SMARCAD1: variants seen among roughly 807,000 people sequenced by gnomAD.
SMARCAD1 encodes SWI/SNF-related matrix-associated actin-dependent regulator of chromatin subfamily A containing DEAD/H box 1.
Under a neutral mutation model 127.1 loss-of-function variants are expected in SMARCAD1, and 25 were observed. The observed-to-expected ratio is 0.20, with a 90% CI of 0.14 to 0.27. SMARCAD1 has a LOEUF of 0.27. SMARCAD1 is among the 10% of genes least tolerant of loss of function. The probability of loss-of-function intolerance (pLI) is 1.00; values close to 1 mark genes in which losing one functional copy is unlikely to be tolerated. For synonymous variants in SMARCAD1, 400 were observed against 396.9 expected (o/e 1.01, Z -0.09); for missense variants, 807 against 1,206.0 (o/e 0.67, Z 4.90).
Position 94,289,713 on chromosome 4 carries a change from G to A in SMARCAD1, c.*179G>A, listed in dbSNP as rs145778087. 1.2e-4 allele frequency: 85 copies of A among 701,704 alleles called. No individual in the cohort carries two copies. The highest frequency in any genetic ancestry group is 8.6e-4 in the East Asian group (31 of 35,844). 43.5% of individuals were successfully genotyped at this position (701,704 alleles called of 1,614,324 possible). ...AACTGAATTCTCCAAATACTCACACGTGAAATTTCAAAAAAGAAGCCACAA... is the reference window on the plus strand; with the variant it reads ...AACTGAATTCTCCAAATACTCACACATGAAATTTCAAAAAAGAAGCCACAA... On this transcript the variant is annotated 3_prime_UTR_variant, in exon 24 of 24. Transcript: ENST00000354268.
chr4:94,264,820 T>C lies in SMARCAD1; in HGVS notation c.1395T>C (p.Ile465=), dbSNP rs771336767. 4.3e-6 allele frequency: 7 copies of C among 1,613,128 alleles called. No individual in the cohort carries two copies. The highest frequency in any genetic ancestry group is 4.2e-6 in the Non-Finnish European group (5 of 1,179,318). Residue 465 remains isoleucine, a synonymous_variant, in exon 10 of 24, where the codon ATT becomes ATC. Transcript: ENST00000354268. ...GGCTTATGAACAAATGTGAAGACAT[T>C]TCAAATAAATTGACCAAACAAGTTA... ...VIRLMNKCED[I]SNKLTKQVTM...
chr4:94,289,408 T>G, intron 23 of SMARCAD1, 65 bp from the exon 24 acceptor site: 1 of 1,417,078 alleles, frequency 7.1e-7, no homozygotes, highest in East Asian at 2.3e-5. Flanking sequence ...AAAAAATAAT[T>G]GAGACAATTT....
At chr4:94,224,663 T>C (rs1449749476) in intron 2 of SMARCAD1, among the ~76,000 whole-genome samples, 1 of 152,188 alleles carries the variant, frequency 6.6e-6, no homozygotes, top group African/African-American at 2.4e-5. Context: ...GCCCTAATAA[T>C]GATTGTTATA....
rs556641174 is a variant in SMARCAD1, at chr4:94,238,529, G to A, written c.604+1511G>A. ...TTAGCTGTGTCTTCCTCATTATTTC[G>A]TCCCTAGCACTTACTTTAAAAGCTT... On this transcript the variant is annotated intron_variant, in intron 5 of 23. Coordinates refer to ENST00000354268, the MANE Select transcript of SMARCAD1 (RefSeq NM_020159.5). 5.9e-5 allele frequency among the ~76,000 whole-genome samples: 9 copies of A among 152,046 alleles called. No homozygotes were observed. In the South Asian group the frequency reaches 8.3e-4, roughly 14 times the overall value.
chr4:94,241,661 G>A (rs926708494), intron 6 of SMARCAD1, among the ~76,000 whole-genome samples: 2 of 152,172 alleles, frequency 1.3e-5, no homozygotes, highest in African/African-American at 2.4e-5. Flanking sequence ...ATGATGAATC[G>A]TGAAGGTGTA....
At chr4:94,219,246 G>A (rs1014716903) in intron 2 of SMARCAD1, among the ~76,000 whole-genome samples, 2 of 152,066 alleles carry the variant, frequency 1.3e-5, no homozygotes, top group African/African-American at 2.4e-5. Context: ...TATCAGAAAC[G>A]GCAGGGATTT....
At chr4:94,275,606 A>G (rs981162008) in intron 14 of SMARCAD1, among the ~76,000 whole-genome samples, 5 of 152,060 alleles carry the variant, frequency 3.3e-5, no homozygotes, top group East Asian at 1.9e-4. Flanking sequence ...GCTATTAACT[A>G]TTATTTCTTG....
chr4:94,280,403 A>G lies in SMARCAD1; in HGVS notation c.2419-189A>G, dbSNP rs576319254. Among the ~76,000 whole-genome samples, 12 of 152,262 alleles carry G rather than the reference A, an allele frequency of 7.9e-5. No individual in the cohort carries two copies. The East Asian group carries it at 2.1e-3, about 27-fold the overall frequency. ...AAATATTTTAGTATGTTATCTCTCA[A>G]ACAGTAAGGACTTCTCCCCCTTTAT... On this transcript the variant is annotated intron_variant, in intron 19 of 23. Transcript: ENST00000354268.
At chr4:94,269,472 A>G (rs1417805269) in intron 10 of SMARCAD1, among the ~76,000 whole-genome samples, 2 of 151,196 alleles carry the variant, frequency 1.3e-5, no homozygotes, top group African/African-American at 4.9e-5. Flanking sequence ...CTTTGTAGCT[A>G]TGCAACCTCA....
At chr4:94,277,195 A>C in intron 16 of SMARCAD1, 36 bp downstream of exon 16, 1 of 1,610,318 alleles carries the variant, frequency 6.2e-7, no homozygotes, top group Non-Finnish European at 8.5e-7. Context: ...CAAATATGTT[A>C]TTTGTGTTTT....
rs1182226413 is a variant in SMARCAD1 at position 94,273,179 on chromosome 4, A to G, written c.1573-438A>G. 2.0e-5 allele frequency among the ~76,000 whole-genome samples: 3 copies of G among 152,220 alleles called. No homozygotes were observed. In the East Asian group the frequency reaches 5.8e-4, roughly 29 times the overall value. On this transcript the variant is annotated intron_variant, in intron 11 of 23. Coordinates refer to ENST00000354268, the MANE Select transcript of SMARCAD1 (RefSeq NM_020159.5). ...TTCTTACCCAAGTCCTTTTGCCAAC[A>G]TAAGCGCTCATATCTCATGATTATA...
At chr4:94,229,933 T>G (rs1745581564) in intron 3 of SMARCAD1, among the ~76,000 whole-genome samples, 1 of 152,050 alleles carries the variant, frequency 6.6e-6, no homozygotes, top group Non-Finnish European at 1.5e-5. Flanking sequence ...ATCAGTATAT[T>G]TTACTAATCT....
chr4:94,210,804 C>T lies in SMARCAD1; in HGVS notation c.190+2220C>T, dbSNP rs534245739. On this transcript the variant is annotated intron_variant, in intron 2 of 23. Transcript: ENST00000354268. ...CAAAAATTAGCCAGGCATGGTGGAG[C>T]GTGCCTGTAATCCCTGCTGCTCAGG... is the stretch of plus-strand genomic sequence containing the variant. Among the ~76,000 whole-genome samples the T allele has an allele frequency of 1.9e-4, 29 of 151,310 alleles. No homozygotes were observed. In the South Asian group the frequency reaches 2.5e-3, roughly 13 times the overall value.
chr4:94,279,727 C>T lies in SMARCAD1; in HGVS notation c.2418+677C>T, dbSNP rs556400308. Among the ~76,000 whole-genome samples the T allele has an allele frequency of 3.9e-5, 6 of 152,230 alleles. No homozygotes were observed. The South Asian group carries it at 1.2e-3, about 32-fold the overall frequency. ...GTTTGCTAACTCCTAGTCTAGACTT[C>T]CATAATGCACTTCTTTTTCATTTTA... is the stretch of plus-strand genomic sequence containing the variant. On this transcript the variant is annotated intron_variant, in intron 19 of 23. Coordinates refer to ENST00000354268, the MANE Select transcript of SMARCAD1 (RefSeq NM_020159.5).
At chr4:94,248,992 A>G (rs547150912) in intron 6 of SMARCAD1, among the ~76,000 whole-genome samples, 10 of 152,310 alleles carry the variant, frequency 6.6e-5, no homozygotes, top group African/African-American at 2.4e-4. Flanking sequence ...ATGCATGAAC[A>G]CAAGGAGTCT....
intron 23 of SMARCAD1, among the ~76,000 whole-genome samples, chr4:94,286,611 C>T (rs1044647848): frequency 5.3e-5 from 8 of 152,108 alleles, no homozygotes; most frequent in Admixed American, 1.3e-4. Context: ...TTCTCCTATT[C>T]TTTCTCCTTT....
In SMARCAD1 at chr4:94,250,793, A is replaced by G; in HGVS notation, c.849A>G (p.Thr283=). The part of the protein sequence containing the change: ...EVLKEHEWMY[T]EALESLKVFA... Reference sequence around the variant, plus strand: ...TCAAGGAACATGAATGGATGTACACAGAAGCTTTAGAATCTCTAAAAGTGT... The same window carrying G: ...TCAAGGAACATGAATGGATGTACACGGAAGCTTTAGAATCTCTAAAAGTGT... The change falls in exon 8 of 24, where the codon ACA becomes ACG. Residue 283 remains threonine, a synonymous_variant. Transcript: ENST00000354268. 6.2e-7 allele frequency: 1 copy of G among 1,612,618 alleles called. No individual in the cohort carries two copies. The highest frequency in any genetic ancestry group is 8.5e-7 in the Non-Finnish European group (1 of 1,179,068).
At chr4:94,271,865 C>T (rs761624766) in intron 11 of SMARCAD1, among the ~76,000 whole-genome samples, 21 of 152,144 alleles carry the variant, frequency 1.4e-4, no homozygotes, top group Non-Finnish European at 1.9e-4. Context: ...ATTGCATTTG[C>T]TATCAAATGA....
intron 18 of SMARCAD1, 34 bp from the exon 19 acceptor site, chr4:94,278,895 T>C (rs1166670713): frequency 6.2e-7 from 1 of 1,612,524 alleles, no homozygotes; most frequent in Non-Finnish European, 8.5e-7. Context: ...ATCCGCTTGG[T>C]TTTATTTTTT....
Sources: allele counts gnomAD v4.1 joint callset (sites outside exome capture counted in the v4.1 genomes callset), GRCh38; gene constraint gnomAD v4.1.1; transcripts MANE v1.5; gene names NCBI Gene and HGNC (gene_info 2026-07-23, HGNC 2026-07-21).